MAST4: variants seen among roughly 807,000 people sequenced by gnomAD.
MAST4 encodes microtubule associated serine/threonine kinase family member 4.
A neutral mutation model predicts 162.7 loss-of-function variants in MAST4; 89 were observed. The ratio of observed to expected loss-of-function variants is 0.55; its 90% confidence interval spans 0.46 to 0.65. MAST4 has a LOEUF of 0.65. Ranked by LOEUF, MAST4 falls within the 30% of genes least tolerant of loss-of-function variation. MAST4 has a pLI of 0.00. For missense variants in MAST4, 3,153 were observed against 3,374.0 expected, an observed-to-expected ratio of 0.93 and a Z score of 1.62; for synonymous variants, 1,479 against 1,361.1, an observed-to-expected ratio of 1.09 and a Z score of -1.91.
In MAST4 at chr5:67,100,577, G is replaced by A. The variant is rs1250262292; in HGVS notation, c.1055G>A (p.Arg352His). Residue 352 changes from arginine to histidine, a missense_variant, in exon 8 of 29, where the codon CGT becomes CAT. Coordinates refer to ENST00000403625, the MANE Select transcript of MAST4 (RefSeq NM_001164664.2). ...TGCAGGAACACGCCGATGCGCCCCC[G>A]TTCCCGAAGTCTGAGGTGTGTGGGC... is the stretch of plus-strand genomic sequence containing the variant. Reference protein sequence around the residue: ...NRCRNTPMRPRSRSLSPGRSP... With the variant: ...NRCRNTPMRPHSRSLSPGRSP... 8 of 1,613,736 alleles carry A rather than the reference G, an allele frequency of 5.0e-6. No homozygotes were observed. Among genetic ancestry groups the A allele is most frequent in the Non-Finnish European group, 5.1e-6 (6 of 1,179,772 alleles).
intron 1 of MAST4, among the ~76,000 whole-genome samples, chr5:66,670,144 A>G (rs1278273718): frequency 1.3e-5 from 2 of 152,188 alleles, no homozygotes; most frequent in African/African-American, 2.4e-5. Context: ...TTGTGAGACC[A>G]TTATGAAAAG....
chr5:66,968,910 T>C (rs1418916153), intron 4 of MAST4, among the ~76,000 whole-genome samples: 1 of 152,010 alleles, frequency 6.6e-6, no homozygotes, highest in Non-Finnish European at 1.5e-5. Context: ...ACAGAAGTCA[T>C]GGCAGATTAC....
chr5:66,807,368 C>A (rs967745154), intron 3 of MAST4, among the ~76,000 whole-genome samples: 3 of 151,992 alleles, frequency 2.0e-5, no homozygotes, highest in African/African-American at 4.8e-5. Flanking sequence ...CGGTGGCGGG[C>A]GCCTTTAGTC....
chr5:66,758,012 G>C (rs1017271353), intron 1 of MAST4, among the ~76,000 whole-genome samples: 5 of 151,328 alleles, frequency 3.3e-5, no homozygotes, highest in Non-Finnish European at 5.9e-5. Context: ...AGCAGCCCTC[G>C]ACAAATACCT....
rs1210329608 is a variant in MAST4 at position 66,962,166 on chromosome 5, A to G, written c.674+62184A>G. Among the ~76,000 whole-genome samples, 4 of 152,232 alleles carry G rather than the reference A, an allele frequency of 2.6e-5. No homozygotes were observed. In the East Asian group the frequency reaches 5.8e-4, roughly 22 times the overall value. ...ACCCTCTGTGCCAATGAAGAGCACAACCAGCTTGAATCAACCAAAATGCAG... is the reference window on the plus strand; with the variant it reads ...ACCCTCTGTGCCAATGAAGAGCACAGCCAGCTTGAATCAACCAAAATGCAG... On this transcript the variant is annotated intron_variant, in intron 4 of 28. Coordinates refer to ENST00000403625, the MANE Select transcript of MAST4 (RefSeq NM_001164664.2).
chr5:66,805,443 C>A (rs944746318), intron 3 of MAST4, among the ~76,000 whole-genome samples: 2 of 152,148 alleles, frequency 1.3e-5, no homozygotes, highest in Non-Finnish European at 2.9e-5. Context: ...TTTTCACTTA[C>A]ATTTAAAAGA....
intron 4 of MAST4, among the ~76,000 whole-genome samples, chr5:67,036,938 A>G (rs953452498): frequency 6.6e-6 from 1 of 152,204 alleles, no homozygotes; most frequent in Admixed American, 6.5e-5. Flanking sequence ...GAAAGAGACT[A>G]ATCATTTGTC....
intron 3 of MAST4, among the ~76,000 whole-genome samples, chr5:66,887,184 C>T (rs954615352): frequency 2.6e-5 from 4 of 152,194 alleles, no homozygotes; most frequent in Non-Finnish European, 5.9e-5. Context: ...CTAACACACA[C>T]TGTGCAGCCC....
chr5:67,123,786 C>T (rs779965647), intron 14 of MAST4, among the ~76,000 whole-genome samples: 3 of 152,198 alleles, frequency 2.0e-5, no homozygotes, highest in Non-Finnish European at 4.4e-5. Flanking sequence ...CGCACCATTT[C>T]TCCCCCACTT....
intron 1 of MAST4, among the ~76,000 whole-genome samples, chr5:66,751,451 G>C (rs1317516805): frequency 6.6e-6 from 1 of 152,160 alleles, no homozygotes; most frequent in African/African-American, 2.4e-5. Flanking sequence ...GTGCTTAAAG[G>C]AGCTGATGGA....
chr5:66,750,850 G>A (rs1753106497), intron 1 of MAST4, among the ~76,000 whole-genome samples: 2 of 152,186 alleles, frequency 1.3e-5, no homozygotes, highest in South Asian at 2.1e-4. Context: ...GCAGGGCACA[G>A]ACAAACAAAA....
intron 4 of MAST4, among the ~76,000 whole-genome samples, chr5:67,009,155 C>A (rs992047201): frequency 1.6e-4 from 25 of 151,746 alleles, no homozygotes; most frequent in Non-Finnish European, 3.2e-4. Context: ...CAAACCAGGA[C>A]AATCAAGAAG....
At chr5:66,777,638 A>G (rs1754666437) in intron 2 of MAST4, among the ~76,000 whole-genome samples, 1 of 152,166 alleles carries the variant, frequency 6.6e-6, no homozygotes, top group Non-Finnish European at 1.5e-5. Context: ...ACACATTTAG[A>G]TGGAGTGAAA....
intron 3 of MAST4, among the ~76,000 whole-genome samples, chr5:66,814,710 C>T (rs192616283): frequency 5.3e-5 from 8 of 152,198 alleles, no homozygotes; most frequent in African/African-American, 7.2e-5. Flanking sequence ...GTATGCCCTA[C>T]GTGCAAGGTG....
intron 1 of MAST4, among the ~76,000 whole-genome samples, chr5:66,737,508 A>C (rs1752222138): frequency 6.6e-6 from 1 of 152,144 alleles, no homozygotes; most frequent in Non-Finnish European, 1.5e-5. Flanking sequence ...AGTACCAAGG[A>C]ATTTGTCTGC....
chr5:67,121,104 T>C lies in MAST4; in HGVS notation c.1745+2T>C. 1 of 1,594,852 alleles carries C rather than the reference T, an allele frequency of 6.3e-7. No homozygotes were observed. The highest frequency in any genetic ancestry group is 8.6e-7 in the Non-Finnish European group (1 of 1,168,206). On this transcript the variant is annotated splice_donor_variant, in intron 14 of 28. Coordinates refer to ENST00000403625, the MANE Select transcript of MAST4 (RefSeq NM_001164664.2). LOFTEE classifies it high-confidence loss of function. The stretch of plus-strand genomic sequence containing the variant: ...ATTGATTAGCAATGGAGCCTATGGG[T>C]GAGTAATTCAAGAAAAGCTCTCTAT...
chr5:66,685,783 G>A (rs1010049778), intron 1 of MAST4, among the ~76,000 whole-genome samples: 13 of 152,096 alleles, frequency 8.5e-5, no homozygotes, highest in African/African-American at 2.2e-4. Flanking sequence ...GTCACTTAAC[G>A]TAGAGGTTAA....
At chr5:66,826,871 G>A (rs1206073815) in intron 3 of MAST4, among the ~76,000 whole-genome samples, 2 of 152,192 alleles carry the variant, frequency 1.3e-5, no homozygotes, top group African/African-American at 4.8e-5. Flanking sequence ...CTGCTGCCAA[G>A]GCTTTGTCTA....
chr5:66,713,260 G>A (rs1306386636), intron 1 of MAST4, among the ~76,000 whole-genome samples: 4 of 152,210 alleles, frequency 2.6e-5, no homozygotes, highest in East Asian at 1.9e-4. Flanking sequence ...AAGGTACCCC[G>A]CTCTCCTTCC....
Sources: gnomAD v4.1 joint callset for allele counts (sites outside exome capture counted in the v4.1 genomes callset) on GRCh38, gnomAD v4.1.1 for gene constraint, MANE v1.5 for transcripts, NCBI Gene and HGNC (gene_info 2026-07-23, HGNC 2026-07-21) for gene names.